The following FHL5 variants were observed in gnomAD, a reference collection of about 807,000 sequenced individuals.
The protein encoded by FHL5 is four and a half LIM domains protein 5.
Under a neutral mutation model 32.0 loss-of-function variants are expected in FHL5, and 33 were observed. The ratio of observed to expected loss-of-function variants is 1.03; its 90% CI spans 0.78 to 1.38. The LOEUF (loss-of-function observed/expected upper bound fraction) is 1.38. Among genes scored for constraint, FHL5 ranks in the 40% most tolerant of loss-of-function variants. FHL5 has a pLI of 0.00. For synonymous variants in FHL5, 114 were observed against 113.6 expected, an observed-to-expected ratio of 1.00 and a Z score of -0.02; for missense variants, 336 against 343.9, an observed-to-expected ratio of 0.98 and a Z score of 0.18.
chr6:96,581,749 C>T (rs1770700877), intron 1 of FHL5, among the ~76,000 whole-genome samples: 1 of 152,064 alleles, frequency 6.6e-6, no homozygotes, highest in Non-Finnish European at 1.5e-5. Context: ...AAGGTGATCT[C>T]CAAATAGAAA....
chr6:96,596,021 T>G (rs1015666318), intron 1 of FHL5, among the ~76,000 whole-genome samples: 1 of 151,100 alleles, frequency 6.6e-6, no homozygotes, highest in African/African-American at 2.4e-5. Flanking sequence ...TATGTATGAT[T>G]TTTTTTAGGC....
chr6:96,590,349 G>C (rs1014621285), intron 1 of FHL5, among the ~76,000 whole-genome samples: 4 of 151,856 alleles, frequency 2.6e-5, no homozygotes, highest in African/African-American at 9.7e-5. Flanking sequence ...TCTATGTAGA[G>C]AGCTCATACA....
intron 1 of FHL5, among the ~76,000 whole-genome samples, chr6:96,576,296 G>A (rs1449293328): frequency 1.3e-5 from 2 of 152,144 alleles, no homozygotes; most frequent in African/African-American, 4.8e-5. Flanking sequence ...AGCGTATGCT[G>A]GTAATAAACT....
intron 1 of FHL5, among the ~76,000 whole-genome samples, chr6:96,568,747 G>A (rs1417889554): frequency 2.0e-5 from 3 of 151,748 alleles, no homozygotes; most frequent in Non-Finnish European, 4.4e-5. Flanking sequence ...AAAGTTTTTG[G>A]TATATAGCTG....
chr6:96,592,439 T>C (rs1182449742), intron 1 of FHL5, among the ~76,000 whole-genome samples: 1 of 152,196 alleles, frequency 6.6e-6, no homozygotes, highest in Non-Finnish European at 1.5e-5. Flanking sequence ...GTTATCCTGT[T>C]CTTATTTCAA....
chr6:96,612,100 C>G (rs1055292677), intron 5 of FHL5, among the ~76,000 whole-genome samples: 149 of 152,208 alleles, frequency 9.8e-4, no homozygotes, highest in African/African-American at 3.4e-3. Flanking sequence ...CTGCATCACT[C>G]AGCTAGATCA....
At chr6:96,612,922 T>C (rs1036892113) in intron 5 of FHL5, among the ~76,000 whole-genome samples, 1 of 152,160 alleles carries the variant, frequency 6.6e-6, no homozygotes, top group African/African-American at 2.4e-5. Flanking sequence ...GTCACACGTC[T>C]TCGGAAAATT....
chr6:96,564,600 G>A (rs1020869956), intron 1 of FHL5, among the ~76,000 whole-genome samples: 1 of 152,060 alleles, frequency 6.6e-6, no homozygotes, highest in African/African-American at 2.4e-5. Context: ...ATAAGACTGG[G>A]TACTTTTCTA....
rs560192146 is a variant in FHL5 at position 96,618,322 on chromosome 6, A to T, written c.*2550A>T. Among the ~76,000 whole-genome samples the T allele has an allele frequency of 1.5e-3, 223 of 152,348 alleles. 10 individuals are homozygous for T. In the South Asian group the frequency reaches 0.045, roughly 31 times the overall value. ...AGGAAAGAAGTTAAAAGCAAATCCC[A>T]TGTGCCAATAACAACCAGATGGCTT... is the stretch of plus-strand genomic sequence containing the variant. On this transcript the variant is annotated 3_prime_UTR_variant, in exon 6 of 6. Transcript: ENST00000450218.
intron 1 of FHL5, among the ~76,000 whole-genome samples, chr6:96,601,978 C>G (rs922735746): frequency 2.0e-5 from 3 of 152,172 alleles, no homozygotes; most frequent in African/African-American, 7.2e-5. Flanking sequence ...TGCGAACTTT[C>G]TAGTCTGCAT....
In FHL5 at chr6:96,603,686, G is replaced by T; in HGVS notation, c.73G>T (p.Asp25Tyr). Residue 25 changes from aspartate (D) to tyrosine (Y), a missense_variant, in exon 2 of 6, where the codon GAC becomes TAC. By Grantham distance (160) the Asp-to-Tyr change is radical. Coordinates refer to ENST00000450218, the MANE Select transcript of FHL5 (RefSeq NM_001322466.2). ...TGGGAAGAAATATGTACTAAAGGAT[G>T]ACAGTCCATACTGTGTTACATGTTA... ...LLGKKYVLKDDSPYCVTCYDR... is the reference protein window; with the variant it reads ...LLGKKYVLKDYSPYCVTCYDR... 6.2e-7 allele frequency: 1 copy of T among 1,611,082 alleles called. No individual in the cohort carries two copies. Among genetic ancestry groups the T allele is most frequent in the Non-Finnish European group, 8.5e-7 (1 of 1,177,688 alleles).
At chr6:96,600,543 T>C (rs1481682873) in intron 1 of FHL5, among the ~76,000 whole-genome samples, 2 of 152,118 alleles carry the variant, frequency 1.3e-5, no homozygotes, top group Non-Finnish European at 2.9e-5. Context: ...CTTAACTTCC[T>C]TAAGATCTTC....
chr6:96,603,110 G>A (rs934558393), intron 1 of FHL5, among the ~76,000 whole-genome samples: 1 of 152,170 alleles, frequency 6.6e-6, no homozygotes, highest in African/African-American at 2.4e-5. Context: ...GACTTGAGGA[G>A]TAAAAGAATG....
intron 1 of FHL5, among the ~76,000 whole-genome samples, chr6:96,572,040 A>G (rs1770489663): frequency 6.6e-6 from 1 of 152,166 alleles, no homozygotes; most frequent in Non-Finnish European, 1.5e-5. Flanking sequence ...GAGCTAGGCC[A>G]GTGCTGGGGA....
chr6:96,615,144 G>A (rs1771489865), intron 5 of FHL5, among the ~76,000 whole-genome samples: 1 of 152,166 alleles, frequency 6.6e-6, no homozygotes, highest in South Asian at 2.1e-4. Flanking sequence ...TACAACATTG[G>A]ACATCAAACT....
At chr6:96,602,995 A>T (rs1289089979) in intron 1 of FHL5, among the ~76,000 whole-genome samples, 1 of 152,160 alleles carries the variant, frequency 6.6e-6, no homozygotes, top group East Asian at 1.9e-4. Flanking sequence ...GAGATTTTGG[A>T]GTCATCAGCA....
At chr6:96,598,538 C>T (rs1014529573) in intron 1 of FHL5, among the ~76,000 whole-genome samples, 1 of 152,130 alleles carries the variant, frequency 6.6e-6, no homozygotes, top group African/African-American at 2.4e-5. Flanking sequence ...GTCCTTCCTC[C>T]TTCTTTAAGG....
intron 1 of FHL5, among the ~76,000 whole-genome samples, chr6:96,601,007 C>T (rs779049165): frequency 2.0e-5 from 3 of 152,204 alleles, no homozygotes; most frequent in South Asian, 2.1e-4. Context: ...CCTGATGTTG[C>T]TTTTACAAAA....
At chr6:96,562,881 G>A (rs1770277046), upstream of FHL5, among the ~76,000 whole-genome samples, 1 of 152,100 alleles carries the variant, frequency 6.6e-6, no homozygotes, top group Non-Finnish European at 1.5e-5. Flanking sequence ...AACAGATTGA[G>A]GAAACAGAAA....
Sources: gnomAD v4.1 joint callset for allele counts (sites outside exome capture counted in the v4.1 genomes callset) on GRCh38, gnomAD v4.1.1 for gene constraint, MANE v1.5 for transcripts, NCBI Gene and HGNC (gene_info 2026-07-23, HGNC 2026-07-21) for gene names.